The following IGF2BP2 variants were observed in gnomAD, a reference collection of about 807,000 sequenced individuals.
The protein encoded by IGF2BP2 is insulin-like growth factor 2 mRNA-binding protein 2.
IGF2BP2 carries 17 observed loss-of-function variants against 75.8 expected under a neutral mutation model. The observed-to-expected ratio is 0.22, with a 90% CI of 0.15 to 0.34. The LOEUF is 0.34. Among genes scored for constraint, IGF2BP2 ranks in the 10% least tolerant of loss-of-function variants. The pLI, the probability that IGF2BP2 is intolerant of heterozygous loss-of-function variation, is 1.00. For synonymous variants in IGF2BP2, 288 were observed against 295.6 expected, an observed-to-expected ratio of 0.97 and a Z score of 0.26; for missense variants, 516 against 772.4, an observed-to-expected ratio of 0.67 and a Z score of 3.93.
In IGF2BP2 at chr3:185,645,635, G is replaced by A. The variant is rs747342597; in HGVS notation, c.1708-12C>T. The A allele has an allele frequency of 1.2e-6, 2 of 1,606,906 alleles. No homozygotes were observed. The highest frequency in any genetic ancestry group is 1.7e-6 in the Non-Finnish European group (2 of 1,173,450). On this transcript the variant is annotated splice_polypyrimidine_tract_variant and intron_variant, in intron 15 of 15. Coordinates refer to ENST00000382199, the MANE Select transcript of IGF2BP2 (RefSeq NM_006548.6). This position sits in a 1 kb window ranked among gnomAD's most constrained non-coding sequence, Gnocchi z 4.9. ...TTGCGCTGTGCAGTCTGCAGCAAGG[G>A]AGAGAAGGGAGAGGAAGGGACAGGG...
chr3:185,689,651 G>A, intron 5 of IGF2BP2, 24 bp from the exon 6 acceptor site: 1 of 1,613,868 alleles, frequency 6.2e-7, no homozygotes, highest in South Asian at 1.1e-5. Flanking sequence ...GGACAGGGGA[G>A]CTTCGTCAGA....
At chr3:185,801,227 C>A (rs1353677643) in intron 2 of IGF2BP2, among the ~76,000 whole-genome samples, 2 of 152,150 alleles carry the variant, frequency 1.3e-5, no homozygotes, top group Non-Finnish European at 2.9e-5. Context: ...CGGTGGCTCA[C>A]GCCAGTAATC....
At chr3:185,697,092 G>C (rs970687611) in intron 3 of IGF2BP2, among the ~76,000 whole-genome samples, 1 of 148,788 alleles carries the variant, frequency 6.7e-6, no homozygotes, top group African/African-American at 2.5e-5. Context: ...ATAATAATCA[G>C]GTTTTTTGTT....
chr3:185,755,730 C>T (rs1001509493), intron 2 of IGF2BP2, among the ~76,000 whole-genome samples: 6 of 152,170 alleles, frequency 3.9e-5, no homozygotes, highest in Non-Finnish European at 7.3e-5. Flanking sequence ...TTGCATGGGG[C>T]CTATTACCCT....
chr3:185,824,290 G>A (rs1741750484), intron 1 of IGF2BP2, among the ~76,000 whole-genome samples: 1 of 151,526 alleles, frequency 6.6e-6, no homozygotes, highest in African/African-American at 2.4e-5. Flanking sequence ...CGGCTCAGGA[G>A]ACGCCAGAGG....
chr3:185,744,113 A>C (rs1348218456), intron 2 of IGF2BP2, among the ~76,000 whole-genome samples: 1 of 152,228 alleles, frequency 6.6e-6, no homozygotes, highest in Non-Finnish European at 1.5e-5. Context: ...CACCTGAGAG[A>C]CGAGAGATAA....
chr3:185,676,371 C>T (rs983310172), intron 7 of IGF2BP2, among the ~76,000 whole-genome samples: 14 of 152,084 alleles, frequency 9.2e-5, no homozygotes, highest in African/African-American at 2.7e-4. Context: ...ATATGAAGTC[C>T]GCTGTAAACT....
intron 2 of IGF2BP2, among the ~76,000 whole-genome samples, chr3:185,765,951 G>A (rs896348925): frequency 2.0e-5 from 3 of 152,236 alleles, no homozygotes; most frequent in Non-Finnish European, 2.9e-5. Flanking sequence ...AGGAGAGTTT[G>A]TGGGCATGGG....
At chr3:185,680,677 CT>C (rs1244318017) in intron 7 of IGF2BP2, among the ~76,000 whole-genome samples, 1 of 152,140 alleles carries the variant, frequency 6.6e-6, no homozygotes, top group Non-Finnish European at 1.5e-5. Context: ...GGCGCAGTGG[CT>C]TATGCCTGTA....
intron 2 of IGF2BP2, among the ~76,000 whole-genome samples, chr3:185,804,001 A>G (rs976956749): frequency 1.3e-5 from 2 of 151,950 alleles, no homozygotes; most frequent in African/African-American, 2.4e-5. Flanking sequence ...GCTCACGCCT[A>G]TAATCCCAGC....
intron 3 of IGF2BP2, among the ~76,000 whole-genome samples, chr3:185,697,614 C>T (rs1339743466): frequency 6.6e-6 from 1 of 152,156 alleles, no homozygotes; most frequent in Non-Finnish European, 1.5e-5. Context: ...TTAACTGTCA[C>T]AGCAACTAAT....
intron 2 of IGF2BP2, among the ~76,000 whole-genome samples, chr3:185,761,454 G>C (rs1732356548): frequency 6.6e-6 from 1 of 152,218 alleles, no homozygotes; most frequent in Admixed American, 6.5e-5. Context: ...GTACGTGTCA[G>C]CATCAGAGAA....
rs114112973 is a variant in IGF2BP2, at chr3:185,704,113, A to G, written c.240-5766T>C. Among the ~76,000 whole-genome samples the G allele has an allele frequency of 1.3e-3, 195 of 152,296 alleles. 1 individual carries two copies. The highest frequency in any genetic ancestry group is 4.5e-3 in the African/African-American group (185 of 41,568). ...GCGGGATTCTACCCAAATACGTCCC[A>G]TCTGTTTCCACAACATTTCTGAGCT... is the stretch of plus-strand genomic sequence containing the variant. On this transcript the variant is annotated intron_variant, in intron 2 of 15. Coordinates refer to ENST00000382199, the MANE Select transcript of IGF2BP2 (RefSeq NM_006548.6).
intron 2 of IGF2BP2, among the ~76,000 whole-genome samples, chr3:185,743,521 C>G (rs2038875581): frequency 6.6e-6 from 1 of 152,178 alleles, no homozygotes; most frequent in Admixed American, 6.5e-5. Context: ...GGTGATCCTC[C>G]CACCTTGGCC....
intron 2 of IGF2BP2, among the ~76,000 whole-genome samples, chr3:185,811,483 T>C (rs1207731982): frequency 6.6e-6 from 1 of 152,212 alleles, no homozygotes; most frequent in African/African-American, 2.4e-5. Context: ...TGACCTTCAG[T>C]GTCCATAAAA....
intron 2 of IGF2BP2, among the ~76,000 whole-genome samples, chr3:185,784,296 G>T (rs190599645): frequency 8.7e-6 from 1 of 114,622 alleles, no homozygotes; most frequent in East Asian, 2.2e-4. Context: ...ACAAAGTTTT[G>T]TGTTTACAGA....
In IGF2BP2 at chr3:185,657,446, T is replaced by A. The variant is rs771769231; in HGVS notation, c.1270-44A>T. 2.0e-6 allele frequency: 3 copies of A among 1,473,562 alleles called. No homozygotes were observed. The South Asian group carries it at 3.5e-5, about 17-fold the overall frequency. The allele number at this position is 1,473,562 out of a possible 1,614,324, so 91.3% of individuals were successfully genotyped here. ...AAAGAAGACATCATTCCAACCAGGC[T>A]TTCTCCTCCAGGCACTCAACAGGTA... On this transcript the variant is annotated intron_variant, in intron 11 of 15. Coordinates refer to ENST00000382199, the MANE Select transcript of IGF2BP2 (RefSeq NM_006548.6).
intron 2 of IGF2BP2, among the ~76,000 whole-genome samples, chr3:185,729,436 A>T (rs966920394): frequency 1.3e-5 from 2 of 152,226 alleles, no homozygotes; most frequent in African/African-American, 4.8e-5. Flanking sequence ...TTGACCTCTT[A>T]AGAACTAGAA....
chr3:185,811,695 A>G (rs1739849539), intron 2 of IGF2BP2, among the ~76,000 whole-genome samples: 1 of 152,182 alleles, frequency 6.6e-6, no homozygotes, highest in African/African-American at 2.4e-5. Flanking sequence ...ACCCCTGTAA[A>G]CATACGGTGA....
Sources: allele counts gnomAD v4.1 joint callset (sites outside exome capture counted in the v4.1 genomes callset), GRCh38; gene constraint gnomAD v4.1.1; non-coding constraint Gnocchi (gnomAD v3.1); transcripts MANE v1.5; gene names NCBI Gene and HGNC (gene_info 2026-07-23, HGNC 2026-07-21).